Variants in RAB38 observed in about 807,000 individuals in gnomAD.
RAB38 encodes the protein RAB38, member RAS oncogene family.
Under a neutral mutation model 18.4 loss-of-function variants are expected in RAB38, and 15 were observed. The observed-to-expected ratio is 0.82, with a 90% confidence interval of 0.55 to 1.26. The LOEUF is 1.26. RAB38 is among the 50% of genes most tolerant of loss of function. RAB38 has a pLI of 0.00. For synonymous variants in RAB38, 101 were observed against 104.4 expected, an observed-to-expected ratio of 0.97 and a Z score of 0.20; for missense variants, 294 against 267.4, an observed-to-expected ratio of 1.10 and a Z score of -0.69.
the RAB38 span, among the ~76,000 whole-genome samples, chr11:87,868,558 C>G: frequency 7.3e-4 from 80 of 109,022 alleles, no homozygotes; most frequent in African/African-American, 2.8e-3. Flanking sequence ...CAGATCAGGG[C>G]TAAAATGATA....
At chr11:87,885,341 GCT>G in the RAB38 span, among the ~76,000 whole-genome samples, 1 of 145,086 alleles carries the variant, frequency 6.9e-6, no homozygotes, top group African/African-American at 2.6e-5. Context: ...TCCTGCTTCT[GCT>G]CTCTCTGCTT....
intron 1 of RAB38, among the ~76,000 whole-genome samples, chr11:88,152,752 T>G (rs1943078889): frequency 8.5e-5 from 13 of 152,234 alleles, no homozygotes; most frequent in Admixed American, 3.3e-4. Flanking sequence ...TAGTTAAATT[T>G]ACTTTTTAAA....
chr11:87,946,341 T>A, the RAB38 span, among the ~76,000 whole-genome samples: 207 of 152,228 alleles, frequency 1.4e-3, 1 homozygote, highest in African/African-American at 4.5e-3. Flanking sequence ...CATTTGGAAT[T>A]CAGTCTTTGA....
At chr11:88,103,022 G>A in the RAB38 span, among the ~76,000 whole-genome samples, 5 of 141,564 alleles carry the variant, frequency 3.5e-5, no homozygotes, top group Admixed American at 6.9e-5. Flanking sequence ...TTGTAAATGC[G>A]TGCTGTAATT....
chr11:88,048,380 G>A, the RAB38 span, among the ~76,000 whole-genome samples: 132 of 152,136 alleles, frequency 8.7e-4, 1 homozygote, highest in African/African-American at 2.9e-3. Context: ...AGTTTCTCAG[G>A]CTCTTGGTAT....
rs1943007485 is a variant in RAB38, at chr11:88,147,680, C to T, written c.483+1995G>A. On this transcript the variant is annotated intron_variant, in intron 2 of 2. Coordinates refer to ENST00000243662, the MANE Select transcript of RAB38 (RefSeq NM_022337.3). ...GGCTGAGGAAGGCGGATCACGAGGT[C>T]AGGAGATTGAGACCATCCTGGCTAA... 2.0e-5 allele frequency among the ~76,000 whole-genome samples: 3 copies of T among 151,878 alleles called. No homozygotes were observed. The South Asian group carries it at 6.2e-4, about 32-fold the overall frequency.
chr11:87,864,164 G>A, the RAB38 span, among the ~76,000 whole-genome samples: 3 of 151,564 alleles, frequency 2.0e-5, no homozygotes, highest in African/African-American at 7.3e-5. Context: ...TAGATATGTG[G>A]ACATTTTGGA....
the RAB38 span, among the ~76,000 whole-genome samples, chr11:88,037,334 T>C: frequency 6.6e-6 from 1 of 152,136 alleles, no homozygotes; most frequent in Non-Finnish European, 1.5e-5. Flanking sequence ...CTTTCACCTT[T>C]TATTCTTTGC....
At chr11:87,897,897 G>A in the RAB38 span, among the ~76,000 whole-genome samples, 1 of 151,540 alleles carries the variant, frequency 6.6e-6, no homozygotes, top group Non-Finnish European at 1.5e-5. Flanking sequence ...AGGAGCAGAT[G>A]GGCTTAAGCA....
chr11:88,131,222 T>C lies in RAB38; in HGVS notation c.484-17082A>G, dbSNP rs186380367. Among the ~76,000 whole-genome samples the C allele has an allele frequency of 6.9e-3, 1,045 of 152,300 alleles. 52 individuals are homozygous for C. Among genetic ancestry groups the C allele is most frequent in the Non-Finnish European group, 1.5e-3 (104 of 68,028 alleles). On this transcript the variant is annotated intron_variant, in intron 2 of 2. Coordinates refer to ENST00000243662, the MANE Select transcript of RAB38 (RefSeq NM_022337.3). ...AAATAGTTCACCATAGAAATCCTTA[T>C]AGTACATTTTTTAAGTTGCACACAA...
the RAB38 span, among the ~76,000 whole-genome samples, chr11:88,030,748 C>G: frequency 6.6e-6 from 1 of 152,248 alleles, no homozygotes; most frequent in East Asian, 1.9e-4. Context: ...AGCTTACCAA[C>G]CAAAAAGAGT....
the RAB38 span, among the ~76,000 whole-genome samples, chr11:88,048,710 C>T: frequency 6.6e-6 from 1 of 152,150 alleles, no homozygotes; most frequent in Non-Finnish European, 1.5e-5. Context: ...TCACTGCTCT[C>T]AACTACTCAT....
At chr11:87,949,720 T>C in the RAB38 span, among the ~76,000 whole-genome samples, 1 of 152,246 alleles carries the variant, frequency 6.6e-6, no homozygotes, top group African/African-American at 2.4e-5. Context: ...TTCTTAATCC[T>C]GAGTTCTAGT....
downstream of RAB38, among the ~76,000 whole-genome samples, chr11:88,109,394 G>C (rs1350925077): frequency 6.6e-6 from 1 of 152,180 alleles, no homozygotes; most frequent in Non-Finnish European, 1.5e-5. Flanking sequence ...TGACTTAAAT[G>C]TAAGACCTAA....
chr11:88,115,800 C>T (rs972303211), intron 2 of RAB38: 3 of 152,178 alleles, frequency 2.0e-5, no homozygotes, highest in African/African-American at 2.4e-5. Flanking sequence ...TTATTGCTTT[C>T]ACAATGTGAA....
chr11:88,025,242 T>C, the RAB38 span, among the ~76,000 whole-genome samples: 1 of 151,026 alleles, frequency 6.6e-6, no homozygotes, highest in Middle Eastern at 3.2e-3. Flanking sequence ...TATAACTATA[T>C]ATATTATATA....
At chr11:87,893,371 C>CATATATATATATATATATAT in the RAB38 span, among the ~76,000 whole-genome samples, 2 of 86,446 alleles carry the variant, frequency 2.3e-5, no homozygotes, top group Non-Finnish European at 4.3e-5. Context: ...ATATATTTTA[C>CATATATATATATATATATAT]ATATATATAT....
At chr11:88,057,021 C>T in the RAB38 span, among the ~76,000 whole-genome samples, 1 of 152,060 alleles carries the variant, frequency 6.6e-6, no homozygotes, top group African/African-American at 2.4e-5. Flanking sequence ...GGTATGAGTC[C>T]TAAACAAGAC....
chr11:87,971,587 G>A, the RAB38 span, among the ~76,000 whole-genome samples: 8 of 152,052 alleles, frequency 5.3e-5, no homozygotes, highest in Non-Finnish European at 7.4e-5. Context: ...GGGATACAAT[G>A]TGTTTGTTTA....
Sources: allele counts gnomAD v4.1 joint callset (sites outside exome capture counted in the v4.1 genomes callset), GRCh38; gene constraint gnomAD v4.1.1; transcripts MANE v1.5; gene names NCBI Gene and HGNC (gene_info 2026-07-23, HGNC 2026-07-21).